Variants in GABPB2 observed in about 807,000 individuals in gnomAD.
GABPB2 encodes GA-binding protein subunit beta-2.
GABPB2 carries 23 observed loss-of-function variants against 39.1 expected under a neutral mutation model. That is an observed-to-expected ratio of 0.59 (90% confidence interval 0.42 to 0.83). The LOEUF (loss-of-function observed/expected upper bound fraction) is 0.83. Ranked by LOEUF, GABPB2 falls within the 40% of genes least tolerant of loss-of-function variation. The probability of loss-of-function intolerance (pLI) is 0.00; values close to 1 mark genes in which losing one functional copy is unlikely to be tolerated. For synonymous variants in GABPB2, 184 were observed against 199.3 expected, an observed-to-expected ratio of 0.92 and a Z score of 0.65; for missense variants, 467 against 541.1, an observed-to-expected ratio of 0.86 and a Z score of 1.36.
intron 1 of GABPB2, 46 bp from the exon 2 acceptor site, chr1:151,088,144 T>C (rs756863799): frequency 2.9e-5 from 39 of 1,349,704 alleles, no homozygotes; most frequent in Non-Finnish European, 3.9e-5. Flanking sequence ...GCTTTCCTTA[T>C]GTTCGAGTTA....
chr1:151,106,930 TC>T, intron 6 of GABPB2, 106 bp from the exon 7 acceptor site: 1 of 675,572 alleles, frequency 1.5e-6, no homozygotes. Flanking sequence ...CTTTTTTTTT[TC>T]AAATGTTCCT....
intron 1 of GABPB2, among the ~76,000 whole-genome samples, chr1:151,080,717 G>A (rs1386163292): frequency 6.7e-6 from 1 of 149,298 alleles, no homozygotes; most frequent in African/African-American, 2.4e-5. Context: ...GCATGGTGGC[G>A]TGGCACCTCT....
intron 7 of GABPB2, among the ~76,000 whole-genome samples, chr1:151,116,502 A>C (rs1680884705): frequency 6.6e-6 from 1 of 152,044 alleles, no homozygotes; most frequent in Non-Finnish European, 1.5e-5. Context: ...CTATGAGAAG[A>C]GAATTAATTT....
In GABPB2 at chr1:151,123,735, C is replaced by T. The variant is rs990259281; in HGVS notation, c.*5479C>T. The T allele has an allele frequency of 6.6e-6, 1 of 150,894 alleles. No homozygotes were observed. Among genetic ancestry groups the T allele is most frequent in the Admixed American group, 6.6e-5 (1 of 15,100 alleles). 9.3% of individuals were successfully genotyped at this position (150,894 alleles called of 1,614,324 possible). A position where few individuals can be genotyped will look rare whatever the true frequency, so the allele number is the denominator to read the frequency against. On this transcript the variant is annotated 3_prime_UTR_variant, in exon 9 of 9. Coordinates refer to ENST00000368918, the MANE Select transcript of GABPB2 (RefSeq NM_144618.3). ...GGCGTGGTGGTGGGTGCCTGTAGTC[C>T]CAGCTACTCGGGAGGCTGAGGCAGG...
intron 1 of GABPB2, among the ~76,000 whole-genome samples, chr1:151,072,884 C>T (rs768958172): frequency 6.6e-6 from 1 of 151,988 alleles, no homozygotes; most frequent in South Asian, 2.1e-4. Context: ...TATCCAGTCC[C>T]CTATTGATAT....
chr1:151,118,468 A>C lies in GABPB2; in HGVS notation c.*212A>C. On this transcript the variant is annotated 3_prime_UTR_variant, in exon 9 of 9. Transcript: ENST00000368918. The stretch of plus-strand genomic sequence containing the variant: ...TTTTTTCTGAGGGGCCAAAAGAATA[A>C]AGGACCAAATTTCTTAGCTCATATC... The C allele has an allele frequency of 4.1e-6, 2 of 486,042 alleles. No homozygotes were observed. The highest frequency in any genetic ancestry group is 7.3e-6 in the Non-Finnish European group (2 of 274,046). 30.1% of individuals were successfully genotyped at this position (486,042 alleles called of 1,614,324 possible). A position where few individuals can be genotyped will look rare whatever the true frequency, so the allele number is the denominator to read the frequency against.
intron 2 of GABPB2, among the ~76,000 whole-genome samples, chr1:151,089,160 A>G (rs995287235): frequency 1.3e-5 from 2 of 152,186 alleles, no homozygotes; most frequent in Admixed American, 6.6e-5. Flanking sequence ...TTTTGTACAC[A>G]TTGCCTAATT....
chr1:151,098,250 A>G (rs1403871223), intron 5 of GABPB2, among the ~76,000 whole-genome samples: 1 of 152,188 alleles, frequency 6.6e-6, no homozygotes, highest in Admixed American at 6.6e-5. Context: ...ACAGTGGCTC[A>G]TATCTGTAAT....
intron 4 of GABPB2, among the ~76,000 whole-genome samples, chr1:151,096,342 G>T (rs587656687): frequency 6.6e-6 from 1 of 152,084 alleles, no homozygotes; most frequent in South Asian, 2.1e-4. Context: ...AGGAACCCTG[G>T]AGGCGGAGGT....
intron 1 of GABPB2, among the ~76,000 whole-genome samples, chr1:151,075,090 C>T (rs1454473529): frequency 6.6e-6 from 1 of 151,902 alleles, no homozygotes; most frequent in Admixed American, 6.6e-5. Flanking sequence ...TGTGGCGAGC[C>T]GAGATCGTGC....
At position 151,079,832 on chromosome 1, in the gene GABPB2, A is replaced by G. The variant is rs151226734; in HGVS notation, c.1-8358A>G. 2.7e-3 allele frequency among the ~76,000 whole-genome samples: 408 copies of G among 150,318 alleles called. 2 individuals carry two copies. Among genetic ancestry groups the G allele is most frequent in the African/African-American group, 9.5e-3 (388 of 40,790 alleles). ...AATCGCTTGAACCTAGGAGGCGGAG[A>G]TTGCAGTGAGCTGAGATTGCACCAT... On this transcript the variant is annotated intron_variant, in intron 1 of 8. Coordinates refer to ENST00000368918, the MANE Select transcript of GABPB2 (RefSeq NM_144618.3).
intron 2 of GABPB2, among the ~76,000 whole-genome samples, chr1:151,089,125 T>C (rs894131548): frequency 2.6e-4 from 39 of 152,340 alleles, no homozygotes; most frequent in African/African-American, 9.1e-4. Flanking sequence ...CAAGTTATAA[T>C]GTGGGCTTTC....
intron 3 of GABPB2, among the ~76,000 whole-genome samples, chr1:151,091,506 G>A (rs960836058): frequency 1.5e-4 from 18 of 119,740 alleles, no homozygotes; most frequent in Middle Eastern, 0.012. Flanking sequence ...ATGAAGTCTC[G>A]CACTATCGCC....
chr1:151,118,585 A>G lies in GABPB2; in HGVS notation c.*329A>G, dbSNP rs1448408376. 4.6e-6 allele frequency: 1 copy of G among 216,080 alleles called. No individual in the cohort carries two copies. 13.4% of individuals were successfully genotyped at this position (216,080 alleles called of 1,614,324 possible). On this transcript the variant is annotated 3_prime_UTR_variant, in exon 9 of 9. Transcript: ENST00000368918. Reference sequence around the variant, plus strand: ...TGACTTTCTCACAAAAGATTTTAAGATAACATTTCTAATATATATGCACCA... The same window carrying G: ...TGACTTTCTCACAAAAGATTTTAAGGTAACATTTCTAATATATATGCACCA...
At chr1:151,101,491 G>A (rs587703343) in intron 5 of GABPB2, among the ~76,000 whole-genome samples, 6 of 151,576 alleles carry the variant, frequency 4.0e-5, no homozygotes, top group African/African-American at 7.3e-5. Flanking sequence ...GGAGAATGGC[G>A]TGAACCTGGG....
At chr1:151,102,444 T>G (rs971257495) in intron 5 of GABPB2, among the ~76,000 whole-genome samples, 16 of 152,140 alleles carry the variant, frequency 1.1e-4, no homozygotes, top group African/African-American at 3.9e-4. Flanking sequence ...AACTTTTTAT[T>G]TATATATTTA....
At chr1:151,080,222 A>C (rs1677541308) in intron 1 of GABPB2, among the ~76,000 whole-genome samples, 1 of 140,650 alleles carries the variant, frequency 7.1e-6, no homozygotes, top group South Asian at 2.2e-4. Flanking sequence ...TCTCAAAAAA[A>C]AAAAAAAAAA....
At chr1:151,111,704 G>A (rs587738190) in intron 7 of GABPB2, among the ~76,000 whole-genome samples, 5 of 149,898 alleles carry the variant, frequency 3.3e-5, no homozygotes, top group African/African-American at 4.9e-5. Context: ...GAGCCACCGC[G>A]CCCGGCCTAA....
chr1:151,108,772 T>C (rs1571974445), intron 7 of GABPB2, among the ~76,000 whole-genome samples: 1 of 152,296 alleles, frequency 6.6e-6, no homozygotes, highest in Admixed American at 6.5e-5. Flanking sequence ...TCAATGTATA[T>C]GCTTTTATAG....
Sources: allele counts gnomAD v4.1 joint callset (sites outside exome capture counted in the v4.1 genomes callset), GRCh38; gene constraint gnomAD v4.1.1; transcripts MANE v1.5; gene names NCBI Gene and HGNC (gene_info 2026-07-23, HGNC 2026-07-21).